The following ARL13B variants were observed in gnomAD, a reference collection of about 807,000 sequenced individuals.
The protein encoded by ARL13B is ARF like GTPase 13B.
ARL13B carries 36 observed loss-of-function variants against 56.1 expected under a neutral mutation model. The ratio of observed to expected loss-of-function variants is 0.64; its 90% CI spans 0.49 to 0.85. The LOEUF is 0.85. Among genes scored for constraint, ARL13B ranks in the 40% least tolerant of loss-of-function variants. ARL13B has a pLI of 0.00. For missense variants in ARL13B, 519 were observed against 507.1 expected (o/e 1.02, Z -0.23); for synonymous variants, 178 against 171.1 (o/e 1.04, Z -0.32).
intron 1 of ARL13B, among the ~76,000 whole-genome samples, chr3:93,990,527 A>T (rs905943718): frequency 2.6e-5 from 4 of 152,134 alleles, no homozygotes; most frequent in Admixed American, 2.6e-4. Flanking sequence ...CAAAGTTTTG[A>T]TTGCAGCCTG....
intron 1 of ARL13B, among the ~76,000 whole-genome samples, chr3:93,994,445 G>GTAGTACC (rs2075931606): frequency 8.8e-6 from 1 of 113,130 alleles, no homozygotes; most frequent in South Asian, 2.9e-4. Context: ...TTTTTTCCCC[G>GTAGTACC]TAGTACCTAA....
At chr3:94,052,273 A>G (rs1157410903) in intron 9 of ARL13B, among the ~76,000 whole-genome samples, 2 of 152,126 alleles carry the variant, frequency 1.3e-5, no homozygotes, top group Non-Finnish European at 2.9e-5. Context: ...CATTGGTAAT[A>G]ACAAGATGAA....
At chr3:94,026,089 G>A (rs969395692) in intron 3 of ARL13B, among the ~76,000 whole-genome samples, 7 of 148,874 alleles carry the variant, frequency 4.7e-5, no homozygotes, top group Non-Finnish European at 8.9e-5. Context: ...GCACCATCTC[G>A]GCTCACTGCA....
At chr3:94,026,140 C>T (rs934247225) in intron 3 of ARL13B, among the ~76,000 whole-genome samples, 14 of 152,106 alleles carry the variant, frequency 9.2e-5, no homozygotes, top group African/African-American at 2.2e-4. Flanking sequence ...CTGCCTCAGC[C>T]TCCAGAGTAG....
At chr3:94,043,281 T>A in intron 7 of ARL13B, 41 bp downstream of exon 7, 1 of 1,510,946 alleles carries the variant, frequency 6.6e-7, no homozygotes, top group East Asian at 2.5e-5. Context: ...CTTATGTATA[T>A]ATAAATAAAA....
intron 4 of ARL13B, 113 bp from the exon 5 acceptor site, chr3:94,036,439 A>C: frequency 9.4e-7 from 1 of 1,063,656 alleles, no homozygotes; most frequent in Non-Finnish European, 1.4e-6. Context: ...GATGCTTCAT[A>C]TTATTAACTT....
At chr3:94,032,698 G>A (rs1490475888) in intron 3 of ARL13B, among the ~76,000 whole-genome samples, 3 of 151,982 alleles carry the variant, frequency 2.0e-5, no homozygotes, top group African/African-American at 4.8e-5. Flanking sequence ...GGGTTTCACC[G>A]TGTTAGCCAG....
At chr3:94,029,966 T>C (rs1022406390) in intron 3 of ARL13B, among the ~76,000 whole-genome samples, 1 of 152,202 alleles carries the variant, frequency 6.6e-6, no homozygotes, top group African/African-American at 2.4e-5. Flanking sequence ...AGGGTAGATA[T>C]AAATATTGTA....
At chr3:93,981,926 C>G (rs1248759630) in intron 1 of ARL13B, among the ~76,000 whole-genome samples, 3 of 143,122 alleles carry the variant, frequency 2.1e-5, no homozygotes, top group Admixed American at 7.0e-5. Context: ...TGCATAGATT[C>G]TGATTTATTT....
chr3:94,043,105 C>T lies in ARL13B; in HGVS notation c.889C>T (p.Gln297Ter). ...CCTGAAACATAAAATGGAGCATGAG[C>T]AAATAGAGACACAAGGCCAGGTTAA... The part of the protein sequence containing the change: ...CHLKHKMEHE[Q>*]IETQGQVNHN... Residue 297 changes from glutamine to a stop codon, truncating the protein, a stop_gained, in exon 7 of 10, where the codon CAA becomes TAA. Transcript: ENST00000394222. LOFTEE classifies it high-confidence loss of function. 6.2e-7 allele frequency: 1 copy of T among 1,613,256 alleles called. No homozygotes were observed. The highest frequency in any genetic ancestry group is 8.5e-7 in the Non-Finnish European group (1 of 1,179,818).
chr3:94,047,835 C>T (rs1009962643), intron 7 of ARL13B: 2 of 152,038 alleles, frequency 1.3e-5, no homozygotes, highest in Non-Finnish European at 2.9e-5. Context: ...GTACAAAGAC[C>T]TATTTGTTTT....
At chr3:94,005,510 A>C (rs921376994) in intron 3 of ARL13B, among the ~76,000 whole-genome samples, 1 of 152,236 alleles carries the variant, frequency 6.6e-6, no homozygotes, top group Non-Finnish European at 1.5e-5. Flanking sequence ...ATCAAATAAC[A>C]GCAAAATATT....
intron 3 of ARL13B, among the ~76,000 whole-genome samples, chr3:94,021,442 G>A (rs761274200): frequency 2.0e-5 from 3 of 151,940 alleles, no homozygotes; most frequent in Non-Finnish European, 4.4e-5. Flanking sequence ...TGATCTGCCC[G>A]CCTCAGCCTC....
At chr3:93,995,788 G>C (rs1346197318) in intron 1 of ARL13B, 86 bp from the exon 2 acceptor site, 1 of 1,233,634 alleles carries the variant, frequency 8.1e-7, no homozygotes, top group Non-Finnish European at 1.2e-6. Context: ...CTCCTTAAAT[G>C]TTGATTTAAT....
chr3:94,028,450 G>A (rs1194350338), intron 3 of ARL13B: 1 of 152,198 alleles, frequency 6.6e-6, no homozygotes, highest in Non-Finnish European at 1.5e-5. Flanking sequence ...ATCATCTCAT[G>A]TTTTGAACAA....
At chr3:94,018,474 C>G (rs2076379992) in intron 3 of ARL13B, among the ~76,000 whole-genome samples, 2 of 151,846 alleles carry the variant, frequency 1.3e-5, no homozygotes, top group South Asian at 4.2e-4. Flanking sequence ...TTTTCTTTTT[C>G]CTGGCTACTC....
intron 3 of ARL13B, among the ~76,000 whole-genome samples, chr3:94,010,902 C>G (rs1375135992): frequency 6.6e-6 from 1 of 151,950 alleles, no homozygotes; most frequent in African/African-American, 2.4e-5. Context: ...GTAACAATTA[C>G]AAACAGGTAT....
intron 1 of ARL13B, among the ~76,000 whole-genome samples, chr3:93,993,315 G>A (rs2075909747): frequency 6.6e-6 from 1 of 151,696 alleles, no homozygotes; most frequent in Non-Finnish European, 1.5e-5. Flanking sequence ...TAGTAGAGGT[G>A]GGGTTTTGCC....
chr3:93,989,858 G>A (rs548804670), intron 1 of ARL13B, among the ~76,000 whole-genome samples: 1 of 152,244 alleles, frequency 6.6e-6, no homozygotes, highest in African/African-American at 2.4e-5. Flanking sequence ...TAATACTACA[G>A]AGTCCTTTGT....
Sources: gnomAD v4.1 joint callset for allele counts (sites outside exome capture counted in the v4.1 genomes callset) on GRCh38, gnomAD v4.1.1 for gene constraint, MANE v1.5 for transcripts, NCBI Gene and HGNC (gene_info 2026-07-23, HGNC 2026-07-21) for gene names.